The following UNC13A variants were observed in gnomAD, a reference collection of about 807,000 sequenced individuals.
The protein encoded by UNC13A is protein unc-13 homolog A.
UNC13A carries 61 observed loss-of-function variants against 219.7 expected under a neutral mutation model. The observed-to-expected ratio is 0.28, with a 90% CI of 0.23 to 0.34. The LOEUF is 0.34. Among genes scored for constraint, UNC13A ranks in the 10% least tolerant of loss-of-function variants. The pLI, the probability that UNC13A is intolerant of heterozygous loss-of-function variation, is 1.00. For missense variants in UNC13A, 1,476 were observed against 2,270.3 expected (o/e 0.65, Z 7.11); for synonymous variants, 920 against 884.6 (o/e 1.04, Z -0.71).
chr19:17,646,291 G>C (rs1456717454), intron 17 of UNC13A, among the ~76,000 whole-genome samples, 180 bp from the exon 18 acceptor site: 1 of 151,882 alleles, frequency 6.6e-6, no homozygotes. Flanking sequence ...TTGTTTGTTT[G>C]TTTTTGAGAC....
chr19:17,643,339 A>T (rs958739034), intron 19 of UNC13A, among the ~76,000 whole-genome samples: 14 of 148,374 alleles, frequency 9.4e-5, no homozygotes, highest in African/African-American at 1.7e-4. Flanking sequence ...TTTTTATTTT[A>T]TTTTTTTTTG....
chr19:17,682,593 C>G (rs555137424), intron 1 of UNC13A, among the ~76,000 whole-genome samples: 140 of 152,236 alleles, frequency 9.2e-4, no homozygotes, highest in Non-Finnish European at 1.6e-3. Flanking sequence ...TGGAGGGCAT[C>G]CCATGAGAAC....
chr19:17,643,558 A>T (rs1392732506), intron 19 of UNC13A, among the ~76,000 whole-genome samples: 1 of 152,096 alleles, frequency 6.6e-6, no homozygotes, highest in Non-Finnish European at 1.5e-5. Context: ...ACCTCAGGTG[A>T]TCCGCCCGCC....
At chr19:17,607,962 C>G (rs2076552358) in intron 43 of UNC13A, among the ~76,000 whole-genome samples, 1 of 150,380 alleles carries the variant, frequency 6.6e-6, no homozygotes, top group Non-Finnish European at 1.5e-5. Context: ...TCACTGCAAC[C>G]TGTGCCTCCT....
intron 19 of UNC13A, among the ~76,000 whole-genome samples, chr19:17,643,198 G>A (rs781489810): frequency 5.3e-5 from 8 of 152,096 alleles, no homozygotes; most frequent in Non-Finnish European, 8.8e-5. Flanking sequence ...TTTTAGTAGA[G>A]ACGGGGTTTC....
At position 17,672,391 on chromosome 19, in the gene UNC13A, C is replaced by T. The variant is rs766877496; in HGVS notation, c.257G>A (p.Arg86His). Residue 86 changes from arginine to histidine, a missense_variant, in exon 4 of 44, where the codon CGC (arginine) becomes CAC (histidine). By Grantham distance (29) the Arg-to-His change is conservative. Coordinates refer to ENST00000519716, the MANE Select transcript of UNC13A (RefSeq NM_001080421.3). ...GTVWIPLRTI[R>H]QSNEEGPGEW... ...CCCGCCACTCACCTCATTGGACTGG[C>T]GGATGGTCCTCAGTGGGATCCACAC... The T allele has an allele frequency of 4.0e-5, 64 of 1,613,490 alleles. No homozygotes were observed. The highest frequency in any genetic ancestry group is 8.0e-5 in the African/African-American group (6 of 74,858).
intron 8 of UNC13A, among the ~76,000 whole-genome samples, chr19:17,660,768 G>C (rs1022058743): frequency 6.6e-6 from 1 of 151,958 alleles, no homozygotes; most frequent in Non-Finnish European, 1.5e-5. Flanking sequence ...CTGACCTCAA[G>C]TGATCTGCCT....
At chr19:17,644,513 TTTTTC>T (rs2077003806) in intron 19 of UNC13A, among the ~76,000 whole-genome samples, 1 of 137,338 alleles carries the variant, frequency 7.3e-6, no homozygotes, top group Non-Finnish European at 1.5e-5. Context: ...TTTTTTTTTC[TTTTTC>T]TTTTGTTTTT....
At chr19:17,673,185 C>T (rs2079823011) in intron 3 of UNC13A, among the ~76,000 whole-genome samples, 1 of 150,858 alleles carries the variant, frequency 6.6e-6, no homozygotes, top group African/African-American at 2.4e-5. Flanking sequence ...TGGAGAAACC[C>T]CATCTCCACT....
intron 4 of UNC13A, among the ~76,000 whole-genome samples, chr19:17,672,104 C>A (rs1209800258): frequency 6.6e-6 from 1 of 152,138 alleles, no homozygotes; most frequent in East Asian, 1.9e-4. Flanking sequence ...CCCTCCCCCA[C>A]CACCAGCACC....
rs1387974839 is a variant in UNC13A, at chr19:17,603,176, G to A, written c.*2878C>T. On this transcript the variant is annotated 3_prime_UTR_variant, in exon 44 of 44. Transcript: ENST00000519716. ...CATTCAACAAATATTCCCTGAAGAA[G>A]CTTGTTTCCTTCACATGCCTGGGCC... 6.6e-6 allele frequency: 1 copy of A among 152,180 alleles called. No individual in the cohort carries two copies. The highest frequency in any genetic ancestry group is 2.4e-5 in the African/African-American group (1 of 41,420). The allele number at this position is 152,180 out of a possible 1,614,324, so 9.4% of individuals were successfully genotyped here. A position where few individuals can be genotyped will look rare whatever the true frequency, so the allele number is the denominator to read the frequency against.
At chr19:17,626,978 G>A (rs1260948311) in intron 33 of UNC13A, among the ~76,000 whole-genome samples, 193 bp from the exon 34 acceptor site, 2 of 152,156 alleles carry the variant, frequency 1.3e-5, no homozygotes, top group Non-Finnish European at 2.9e-5. Flanking sequence ...CGGATCACGA[G>A]GTCAAGAGAT....
chr19:17,659,897 T>C (rs1477681217), intron 8 of UNC13A, among the ~76,000 whole-genome samples: 20 of 152,292 alleles, frequency 1.3e-4, no homozygotes, highest in Non-Finnish European at 5.9e-5. Context: ...TTCAGACTTT[T>C]GCTGTATTCA....
chr19:17,647,335 C>A lies in UNC13A; in HGVS notation c.1974G>T (p.Gln658His). 1 of 1,612,436 alleles carries A rather than the reference C, an allele frequency of 6.2e-7. No homozygotes were observed. Among genetic ancestry groups the A allele is most frequent in the Non-Finnish European group, 8.5e-7 (1 of 1,179,390 alleles). The change falls in exon 17 of 44, where the codon CAG (glutamine) becomes CAT (histidine). Residue 658 changes from glutamine (Q) to histidine (H), a missense_variant. Coordinates refer to ENST00000519716, the MANE Select transcript of UNC13A (RefSeq NM_001080421.3). The stretch of plus-strand genomic sequence containing the variant: ...CGCTCTGCTTGACCGCCTTCATCTG[C>A]TGCGTGTGCGCCGTCTTGGTCACCG... ...IFAVTKTAHTQQMKAVKQSVL... is the reference protein window; with the variant it reads ...IFAVTKTAHTHQMKAVKQSVL...
At chr19:17,660,179 C>T (rs1361117768) in intron 8 of UNC13A, among the ~76,000 whole-genome samples, 1 of 152,024 alleles carries the variant, frequency 6.6e-6, no homozygotes, top group African/African-American at 2.4e-5. Context: ...TGGGATTAGC[C>T]GTGAGCCACC....
intron 9 of UNC13A, among the ~76,000 whole-genome samples, chr19:17,656,926 G>T (rs1316854079): frequency 6.6e-6 from 1 of 151,204 alleles, no homozygotes; most frequent in East Asian, 1.9e-4. Flanking sequence ...GCAATTGACT[G>T]TGCTGGGAAC....
chr19:17,687,437 T>A (rs568322863), intron 1 of UNC13A, among the ~76,000 whole-genome samples: 32 of 151,970 alleles, frequency 2.1e-4, no homozygotes, highest in African/African-American at 7.7e-4. Flanking sequence ...CTGAAACGTG[T>A]TTGGGAGAAC....
intron 1 of UNC13A, among the ~76,000 whole-genome samples, chr19:17,683,651 G>A (rs750270063): frequency 4.0e-5 from 6 of 149,504 alleles, no homozygotes; most frequent in African/African-American, 1.5e-4. Context: ...GAGTGAGACC[G>A]TGTCTCAAAA....
intron 43 of UNC13A, among the ~76,000 whole-genome samples, chr19:17,607,876 C>CTTTT (rs58683080): frequency 2.5e-4 from 24 of 96,282 alleles, no homozygotes; most frequent in African/African-American, 7.3e-4. Context: ...CGTGAACAGA[C>CTTTT]TTTTTTTTTT....
Sources: gnomAD v4.1 joint callset for allele counts (sites outside exome capture counted in the v4.1 genomes callset) on GRCh38, gnomAD v4.1.1 for gene constraint, MANE v1.5 for transcripts, NCBI Gene and HGNC (gene_info 2026-07-23, HGNC 2026-07-21) for gene names.